The following NAV1 variants were observed in gnomAD, a reference collection of about 807,000 sequenced individuals.
NAV1 encodes neuron navigator 1, also known as pore membrane and/or filament interacting like protein 3.
A neutral mutation model predicts 175.2 loss-of-function variants in NAV1; 18 were observed. The observed-to-expected ratio is 0.10, with a 90% CI of 0.07 to 0.15. The LOEUF is 0.15. NAV1 is among the 10% of genes least tolerant of loss of function. NAV1 has a pLI of 1.00. For missense variants in NAV1, 1,731 were observed against 2,436.6 expected, an observed-to-expected ratio of 0.71 and a Z score of 6.10; for synonymous variants, 897 against 978.7, an observed-to-expected ratio of 0.92 and a Z score of 1.56.
chr1:201,744,312 GTATGTATTTATT>G lies in NAV1; in HGVS notation c.1226+25561_1226+25572del, dbSNP rs1252949064. On this transcript the variant is annotated intron_variant, in intron 3 of 29. Coordinates refer to ENST00000367296, the Ensembl canonical transcript of NAV1. ...AAGGAGCTGACGGCTATGTATGTAT[GTATGTATTTATT>G]TATTTATTTATTTATTTATTTATTC... 7.7e-3 allele frequency among the ~76,000 whole-genome samples: 1,116 copies of G among 145,656 alleles called. 51 individuals carry two copies. Among genetic ancestry groups the G allele is most frequent in the Admixed American group, 0.065 (972 of 14,840 alleles).
chr1:201,765,735 TC>T (rs1283779695), intron 3 of NAV1, among the ~76,000 whole-genome samples: 2 of 152,200 alleles, frequency 1.3e-5, no homozygotes, highest in African/African-American at 4.8e-5. Context: ...ATCTTCATAA[TC>T]TTCCCAGTTG....
At chr1:201,801,529 C>T (rs539338144) in intron 15 of NAV1, among the ~76,000 whole-genome samples, 104 of 152,154 alleles carry the variant, frequency 6.8e-4, no homozygotes, top group African/African-American at 2.5e-3. Context: ...CTGTGTTGCC[C>T]AGGCTGGTCT....
intron 1 of NAV1, among the ~76,000 whole-genome samples, chr1:201,680,487 C>T (rs886291386): frequency 4.0e-5 from 6 of 151,814 alleles, no homozygotes; most frequent in African/African-American, 1.5e-4. Context: ...GCCTGGGCAA[C>T]AAGAGAGAAA....
chr1:201,692,195 A>G (rs1224051761), intron 1 of NAV1, among the ~76,000 whole-genome samples: 1 of 152,156 alleles, frequency 6.6e-6, no homozygotes. Context: ...TCAGGTGTGG[A>G]TATAGAGAAG....
chr1:201,685,949 C>T (rs1220495987), intron 1 of NAV1, among the ~76,000 whole-genome samples: 1 of 152,182 alleles, frequency 6.6e-6, no homozygotes, highest in African/African-American at 2.4e-5. Flanking sequence ...CTAAAATACC[C>T]CTGAATGCAG....
At chr1:201,677,828 C>T (rs970033213) in intron 1 of NAV1, among the ~76,000 whole-genome samples, 1 of 152,104 alleles carries the variant, frequency 6.6e-6, no homozygotes, top group African/African-American at 2.4e-5. Context: ...TGGGGTTTCA[C>T]CATGTCACCC....
chr1:201,757,076 C>T (rs1380630748), intron 3 of NAV1, among the ~76,000 whole-genome samples: 1 of 152,018 alleles, frequency 6.6e-6, no homozygotes, highest in African/African-American at 2.4e-5. Context: ...CTAGCCATCC[C>T]ACAGTGTCAT....
At chr1:201,779,238 A>G (rs748525365) in intron 3 of NAV1, among the ~76,000 whole-genome samples, 2 of 152,190 alleles carry the variant, frequency 1.3e-5, no homozygotes, top group Non-Finnish European at 2.9e-5. Context: ...TATAAATGGT[A>G]GAGGAGGCTA....
chr1:201,753,397 T>C (rs759672867), intron 3 of NAV1, among the ~76,000 whole-genome samples: 29 of 152,198 alleles, frequency 1.9e-4, no homozygotes, highest in Admixed American at 5.9e-4. Context: ...AATTCCGCTA[T>C]CCACTGTATG....
At chr1:201,595,806 C>T (rs977155846) in intron 2 of NAV1, among the ~76,000 whole-genome samples, 7 of 152,272 alleles carry the variant, frequency 4.6e-5, no homozygotes, top group Non-Finnish European at 8.8e-5. Context: ...TCATCACTTA[C>T]GTGTCCCCTG....
chr1:201,603,122 GCTCT>G (rs1449820937), intron 2 of NAV1, among the ~76,000 whole-genome samples: 1 of 152,176 alleles, frequency 6.6e-6, no homozygotes, highest in Non-Finnish European at 1.5e-5. Context: ...GAGTTAAATT[GCTCT>G]CTGAGTACAG....
intron 2 of NAV1, among the ~76,000 whole-genome samples, chr1:201,608,778 G>T (rs911081012): frequency 6.6e-6 from 1 of 152,188 alleles, no homozygotes; most frequent in Non-Finnish European, 1.5e-5. Context: ...CTTGGGCAGT[G>T]GCCAGACCTG....
At chr1:201,781,395 G>A (rs747408111) in intron 5 of NAV1, 86 bp downstream of exon 9, 9 of 1,324,898 alleles carry the variant, frequency 6.8e-6, no homozygotes, top group Non-Finnish European at 9.2e-6. Context: ...CCCATAGGAT[G>A]ATAGCAAACA....
At chr1:201,608,678 C>T (rs1667761756) in intron 2 of NAV1, among the ~76,000 whole-genome samples, 1 of 151,928 alleles carries the variant, frequency 6.6e-6, no homozygotes, top group Admixed American at 6.6e-5. Context: ...GCAGCTACGC[C>T]CTGGAGCCTC....
At chr1:201,591,773 C>G (rs145622388) in intron 2 of NAV1, among the ~76,000 whole-genome samples, 135 of 152,154 alleles carry the variant, frequency 8.9e-4, no homozygotes, top group Middle Eastern at 6.8e-3. Context: ...TTCTGTGCCC[C>G]CCAAGAGGTC....
At chr1:201,574,162 GA>G (rs1666627106) in intron 1 of NAV1, among the ~76,000 whole-genome samples, 1 of 152,092 alleles carries the variant, frequency 6.6e-6, no homozygotes, top group African/African-American at 2.4e-5. Context: ...GTACAAGGGA[GA>G]AAACAAGAAG....
chr1:201,783,320 A>C, intron 6 of NAV1, 86 bp from the exon 11 acceptor site: 1 of 1,337,102 alleles, frequency 7.5e-7, no homozygotes, highest in East Asian at 2.3e-5. Context: ...GCAGAAAACA[A>C]GACTGGATAG....
At position 201,597,255 on chromosome 1, in the gene NAV1, G is replaced by C. The variant is rs570008032; in HGVS notation, c.-33+8606G>C. Among the ~76,000 whole-genome samples, 11 of 152,314 alleles carry C rather than the reference G, an allele frequency of 7.2e-5. 1 individual carries two copies. In the South Asian group the frequency reaches 1.4e-3, roughly 20 times the overall value. Reference sequence around the variant, plus strand: ...GGACGAAGAGGAGAATCAGTGAAGGGGGTTGAGGAGAGGGAGCATTCTAGG... The same window carrying C: ...GGACGAAGAGGAGAATCAGTGAAGGCGGTTGAGGAGAGGGAGCATTCTAGG... On this transcript the variant is annotated intron_variant, in intron 2 of 33. Transcript: ENST00000685211.
intron 11 of NAV1, 34 bp downstream of exon 15, chr1:201,789,826 C>T: frequency 1.9e-6 from 3 of 1,596,282 alleles, no homozygotes; most frequent in South Asian, 1.1e-5. Flanking sequence ...CCTCTCATCC[C>T]CTCCCCTCTA....
Sources: gnomAD v4.1 joint callset for allele counts (sites outside exome capture counted in the v4.1 genomes callset) on GRCh38, gnomAD v4.1.1 for gene constraint, MANE v1.5 for transcripts, NCBI Gene and HGNC (gene_info 2026-07-23, HGNC 2026-07-21) for gene names.